Variants in LGALS4 observed in about 807,000 individuals in gnomAD.
The protein encoded by LGALS4 is galectin 4.
Under a neutral mutation model 39.6 loss-of-function variants are expected in LGALS4, and 37 were observed. The observed-to-expected ratio is 0.93, with a 90% CI of 0.72 to 1.23. The LOEUF is 1.23. Ranked by LOEUF, LGALS4 falls within the 50% of genes most tolerant of loss-of-function variation. LGALS4 has a pLI of 0.00. For missense variants in LGALS4, 397 were observed against 433.2 expected (o/e 0.92, Z 0.74); for synonymous variants, 160 against 165.5 (o/e 0.97, Z 0.25).
intron 7 of LGALS4, among the ~76,000 whole-genome samples, chr19:38,802,611 C>T (rs1461321968): frequency 1.3e-5 from 2 of 152,168 alleles, no homozygotes; most frequent in African/African-American, 4.8e-5. Flanking sequence ...CCTCCCATCT[C>T]AGCCTCCCGA....
intron 4 of LGALS4, among the ~76,000 whole-genome samples, chr19:38,804,522 G>A (rs12610990): frequency 0.54 from 81,485 of 151,896 alleles, 24,467 homozygotes; most frequent in Non-Finnish European, 0.68. Context: ...CAGGTGATCC[G>A]CTCGCCTCAC....
chr19:38,811,075 A>G (rs1299347474), intron 2 of LGALS4, among the ~76,000 whole-genome samples: 2 of 151,204 alleles, frequency 1.3e-5, no homozygotes, highest in African/African-American at 4.9e-5. Flanking sequence ...GTAATTTTGT[A>G]TTTTTAGTAG....
At chr19:38,810,580 T>G (rs1382338567) in intron 2 of LGALS4, among the ~76,000 whole-genome samples, 2 of 152,050 alleles carry the variant, frequency 1.3e-5, no homozygotes, top group African/African-American at 4.8e-5. Context: ...GCCAGGATGG[T>G]CTCGATCTCC....
intron 6 of LGALS4, 30 bp downstream of exon 6, chr19:38,803,712 A>C: frequency 6.2e-7 from 1 of 1,609,042 alleles, no homozygotes; most frequent in South Asian, 1.1e-5. Context: ...CCCACTCCTC[A>C]CCCGGGGCCC....
intron 2 of LGALS4, among the ~76,000 whole-genome samples, chr19:38,809,479 A>G (rs116339617): frequency 0.011 from 1,626 of 145,658 alleles, 35 homozygotes; most frequent in African/African-American, 0.039. Context: ...CGTGCCTGAC[A>G]TTTTTTTTCT....
intron 7 of LGALS4, among the ~76,000 whole-genome samples, chr19:38,802,709 C>T (rs796092864): frequency 3.3e-5 from 5 of 150,848 alleles, no homozygotes; most frequent in South Asian, 2.1e-4. Context: ...GCAGAGTCTC[C>T]CTCTGACGCC....
chr19:38,806,428 A>G (rs2145356050), intron 4 of LGALS4, 33 bp downstream of exon 4: 4 of 1,584,048 alleles, frequency 2.5e-6, no homozygotes, highest in Non-Finnish European at 3.4e-6. Flanking sequence ...ATTTAGAAAG[A>G]AAGGACGCAA....
At chr19:38,812,373 C>T in intron 2 of LGALS4, 58 bp downstream of exon 2, 1 of 1,495,190 alleles carries the variant, frequency 6.7e-7, no homozygotes, top group Non-Finnish European at 9.3e-7. Context: ...ACAGCCAGGC[C>T]CAGAGCACCC....
intron 3 of LGALS4, among the ~76,000 whole-genome samples, chr19:38,807,466 G>T (rs1026519790): frequency 1.3e-5 from 2 of 152,190 alleles, no homozygotes; most frequent in African/African-American, 2.4e-5. Context: ...AGGGTAATGG[G>T]ACTAAGGAAA....
chr19:38,811,255 G>A (rs182175676), intron 2 of LGALS4, among the ~76,000 whole-genome samples: 1 of 152,166 alleles, frequency 6.6e-6, no homozygotes, highest in East Asian at 1.9e-4. Context: ...GAGGGCAGGG[G>A]TCTCTGTCCT....
Position 38,801,843 on chromosome 19 carries a change from G to A in LGALS4, c.893C>T (p.Ala298Val), listed in dbSNP as rs1323657546. Reference protein sequence around the residue: ...YANGQHLFDFAHRLSAFQRVD... With the variant: ...YANGQHLFDFVHRLSAFQRVD... Reference sequence around the variant, plus strand: ...CCTCTGGAAGGCCGAGAGGCGATGGGCAAAGTCAAAGAGGTGCTGGCCATT... The same window carrying A: ...CCTCTGGAAGGCCGAGAGGCGATGGACAAAGTCAAAGAGGTGCTGGCCATT... The change falls in exon 10 of 10, where the codon GCC becomes GTC. Residue 298 changes from alanine to valine, a missense_variant. Coordinates refer to ENST00000307751, the MANE Select transcript of LGALS4 (RefSeq NM_006149.4). The A allele has an allele frequency of 5.0e-6, 8 of 1,614,088 alleles. No individual in the cohort carries two copies. The Admixed American group carries it at 1.2e-4, about 24-fold the overall frequency.
chr19:38,809,700 G>A (rs1278217713), intron 2 of LGALS4, among the ~76,000 whole-genome samples: 1 of 135,386 alleles, frequency 7.4e-6, no homozygotes, highest in African/African-American at 2.9e-5. Context: ...ATGTTGCCGA[G>A]GCTGGTCTCA....
chr19:38,808,974 C>T, intron 2 of LGALS4, 26 bp from the exon 3 acceptor site: 1 of 1,569,730 alleles, frequency 6.4e-7, no homozygotes, highest in Non-Finnish European at 8.7e-7. Context: ...GGGCTCATTC[C>T]CCTGGTGCCA....
Position 38,802,095 on chromosome 19 carries a change from A to G in LGALS4, c.722T>C (p.Met241Thr), listed in dbSNP as rs1274716186. ...GTTCCGGACCACGGTACCGTTGCCCATGCGGGGATTAATGTGCAGAGCTAT... is the reference window on the plus strand; with the variant it reads ...GTTCCGGACCACGGTACCGTTGCCCGTGCGGGGATTAATGTGCAGAGCTAT... ...GDIALHINPR[M>T]GNGTVVRNSL... is the part of the protein sequence containing the mutation. Residue 241 changes from methionine to threonine, a missense_variant, in exon 9 of 10, where the codon ATG (methionine) becomes ACG (threonine). Met to Thr is a moderately conservative substitution (Grantham distance 81). Transcript: ENST00000307751. The G allele has an allele frequency of 2.5e-6, 4 of 1,614,214 alleles. No individual in the cohort carries two copies. Among genetic ancestry groups the G allele is most frequent in the Non-Finnish European group, 3.4e-6 (4 of 1,180,028 alleles).
At position 38,801,835 on chromosome 19, in the gene LGALS4, G is replaced by T; in HGVS notation, c.901C>A (p.Leu301Ile). Residue 301 changes from leucine (L) to isoleucine (I), a missense_variant, in exon 10 of 10, where the codon CTC becomes ATC. By Grantham distance (5) the Leu-to-Ile change is conservative. Coordinates refer to ENST00000307751, the MANE Select transcript of LGALS4 (RefSeq NM_006149.4). ...GTGTCCACCCTCTGGAAGGCCGAGA[G>T]GCGATGGGCAAAGTCAAAGAGGTGC... ...GQHLFDFAHR[L>I]SAFQRVDTLE... is the part of the protein sequence containing the mutation. 1 of 1,614,216 alleles carries T rather than the reference G, an allele frequency of 6.2e-7. No homozygotes were observed. Among genetic ancestry groups the T allele is most frequent in the Non-Finnish European group, 8.5e-7 (1 of 1,180,032 alleles).
intron 3 of LGALS4, among the ~76,000 whole-genome samples, chr19:38,808,490 G>A (rs560310677): frequency 2.0e-5 from 3 of 152,166 alleles, no homozygotes; most frequent in East Asian, 3.9e-4. Context: ...TGAGCGTGGT[G>A]GCACGCGCCT....
rs570679864 is a variant in LGALS4, at chr19:38,806,283, G to C, written c.474+178C>G. Among the ~76,000 whole-genome samples, 6 of 151,648 alleles carry C rather than the reference G, an allele frequency of 4.0e-5. No homozygotes were observed. In the East Asian group the frequency reaches 1.2e-3, roughly 29 times the overall value. On this transcript the variant is annotated intron_variant, in intron 4 of 9. Transcript: ENST00000307751. ...TTTGGGAGGCTGAGGCAGGAGAATG[G>C]CGTGAACCTGGGAGGCGGAGCTTGC...
chr19:38,812,900 G>C lies in LGALS4; in HGVS notation c.-14C>G. On this transcript the variant is annotated 5_prime_UTR_variant, in exon 1 of 10. Transcript: ENST00000307751. Reference sequence around the variant, plus strand: ...GACATAGGCCATCGCTCGAGGCTGCGCTAGTGGCTGGTCCTGTGAGAAGAG... The same window carrying C: ...GACATAGGCCATCGCTCGAGGCTGCCCTAGTGGCTGGTCCTGTGAGAAGAG... 6.2e-7 allele frequency: 1 copy of C among 1,610,836 alleles called. No individual in the cohort carries two copies. The highest frequency in any genetic ancestry group is 8.5e-7 in the Non-Finnish European group (1 of 1,179,696).
In LGALS4 at chr19:38,802,110, T is replaced by A; in HGVS notation, c.707A>T (p.His236Leu). ...ACCGTTGCCCATGCGGGGATTAATG[T>A]GCAGAGCTATGTCCCCTGAGGAGCC... is the stretch of plus-strand genomic sequence containing the variant. ...KVGSSGDIAL[H>L]INPRMGNGTV... Residue 236 changes from histidine to leucine, a missense_variant, in exon 9 of 10, where the codon CAC becomes CTC. Coordinates refer to ENST00000307751, the MANE Select transcript of LGALS4 (RefSeq NM_006149.4). 6.2e-7 allele frequency: 1 copy of A among 1,614,126 alleles called. No homozygotes were observed. The highest frequency in any genetic ancestry group is 8.5e-7 in the Non-Finnish European group (1 of 1,179,998).
Sources: gnomAD v4.1 joint callset for allele counts (sites outside exome capture counted in the v4.1 genomes callset) on GRCh38, gnomAD v4.1.1 for gene constraint, MANE v1.5 for transcripts, NCBI Gene and HGNC (gene_info 2026-07-23, HGNC 2026-07-21) for gene names.